The following DNAH10 variants were observed in gnomAD, a reference collection of about 807,000 sequenced individuals.
DNAH10 encodes axonemal beta dynein heavy chain 10.
DNAH10 carries 348 observed loss-of-function variants against 506.6 expected under a neutral mutation model. That is an observed-to-expected ratio of 0.69 (90% CI 0.63 to 0.75). The LOEUF (loss-of-function observed/expected upper bound fraction) is 0.75, where lower values mean the gene tolerates loss of function less well. DNAH10 is among the 30% of genes least tolerant of loss of function. The pLI is 0.00. For missense variants in DNAH10, 5,179 were observed against 5,787.1 expected (o/e 0.89, Z 3.41); for synonymous variants, 2,059 against 2,198.6 (o/e 0.94, Z 1.78).
chr12:123,815,216 A>T (rs1959104487), intron 21 of DNAH10, among the ~76,000 whole-genome samples: 1 of 152,176 alleles, frequency 6.6e-6, no homozygotes, highest in East Asian at 1.9e-4. Context: ...CCCCGTAAAG[A>T]TTTATAATTT....
intron 25 of DNAH10, among the ~76,000 whole-genome samples, chr12:123,827,470 C>T (rs771721783): frequency 2.6e-4 from 39 of 152,222 alleles, no homozygotes; most frequent in African/African-American, 8.4e-4. Context: ...CATAGACACG[C>T]GTGGCTTGTG....
At position 123,833,333 on chromosome 12, in the gene DNAH10, G is replaced by A. The variant is rs1198225472; in HGVS notation, c.4765G>A (p.Gly1589Arg). The A allele has an allele frequency of 1.2e-6, 2 of 1,611,328 alleles. No homozygotes were observed. The highest frequency in any genetic ancestry group is 1.7e-6 in the Non-Finnish European group (2 of 1,178,660). ...HKWEKTLSLI[G>R]EVIEIWMLVQ... ...ATGGGAAAAAACGCTTTCTCTAATA[G>A]GGGAAGTCATTGAGGTGAGAGAAAA... Residue 1589 changes from glycine to arginine, a missense_variant, in exon 27 of 79, where the codon GGG becomes AGG. Around this residue, in one of 3 missense-constraint regions of DNAH10, gnomAD observed 4,844 missense variants for 5,430.5 expected, o/e 0.89. Coordinates refer to ENST00000673944, the MANE Select transcript of DNAH10 (RefSeq NM_001372106.1).
Position 123,785,594 on chromosome 12 carries a change from G to A in DNAH10, c.1231-152G>A. The A allele has an allele frequency of 3.0e-6, 2 of 660,438 alleles. No individual in the cohort carries two copies. Among genetic ancestry groups the A allele is most frequent in the Non-Finnish European group, 4.7e-6 (2 of 426,744 alleles). 40.9% of individuals were successfully genotyped at this position (660,438 alleles called of 1,614,324 possible). On this transcript the variant is annotated intron_variant, in intron 8 of 78. Transcript: ENST00000673944. The surrounding 1 kb of genome is among the most constrained non-coding windows in gnomAD (Gnocchi z 4.1). Reference sequence around the variant, plus strand: ...GTCGAGGCTGCAGTAAGCCATGTTTGTGCCATTGCACTCCAGCCTGGGCAC... The same window carrying A: ...GTCGAGGCTGCAGTAAGCCATGTTTATGCCATTGCACTCCAGCCTGGGCAC...
rs1445699542 is a variant in DNAH10 at position 123,762,861 on chromosome 12, CG to C, written c.214+314del. On this transcript the variant is annotated intron_variant, in intron 1 of 78. Coordinates refer to ENST00000673944, the MANE Select transcript of DNAH10 (RefSeq NM_001372106.1). This position sits in a 1 kb window ranked among gnomAD's most constrained non-coding sequence, Gnocchi z 5.0. ...GTATCAACTCCTTAACCCTACGAGG[CG>C]GGTGTATCCTCATCCCTATTTTACA... is the stretch of plus-strand genomic sequence containing the variant. 6.6e-6 allele frequency among the ~76,000 whole-genome samples: 1 copy of C among 152,246 alleles called. No homozygotes were observed. The highest frequency in any genetic ancestry group is 1.5e-5 in the Non-Finnish European group (1 of 68,044).
Position 123,917,531 on chromosome 12 carries a change from G to C in DNAH10, c.11003-53G>C, listed in dbSNP as rs1050666186. 4 of 1,521,198 alleles carry C rather than the reference G, an allele frequency of 2.6e-6. No individual in the cohort carries two copies. The highest frequency in any genetic ancestry group is 3.6e-6 in the Non-Finnish European group (4 of 1,123,944). 94.2% of individuals were successfully genotyped at this position (1,521,198 alleles called of 1,614,324 possible). On this transcript the variant is annotated intron_variant, in intron 63 of 78. Coordinates refer to ENST00000673944, the MANE Select transcript of DNAH10 (RefSeq NM_001372106.1). The surrounding 1 kb of genome is among the most constrained non-coding windows in gnomAD (Gnocchi z 5.6). Reference sequence around the variant, plus strand: ...GTCCCGTCACAGCAGGGCAGCGGGAGAGACTGTTGTTGGGGGCCGCAGGTG... The same window carrying C: ...GTCCCGTCACAGCAGGGCAGCGGGACAGACTGTTGTTGGGGGCCGCAGGTG...
chr12:123,806,820 T>G (rs1274747513), intron 18 of DNAH10, among the ~76,000 whole-genome samples: 1 of 150,134 alleles, frequency 6.7e-6, no homozygotes, highest in African/African-American at 2.5e-5. Context: ...CAGGCTGGAG[T>G]GCAGTGGCGC....
intron 26 of DNAH10, 35 bp from the exon 27 acceptor site, chr12:123,833,079 T>G: frequency 6.5e-7 from 1 of 1,531,414 alleles, no homozygotes; most frequent in Non-Finnish European, 8.9e-7. Context: ...TTTCAGTTCG[T>G]GTGCCTGAAT....
At position 123,841,510 on chromosome 12, in the gene DNAH10, A is replaced by G; in HGVS notation, c.5325A>G (p.Lys1775=). 1 of 1,613,988 alleles carries G rather than the reference A, an allele frequency of 6.2e-7. No homozygotes were observed. Among genetic ancestry groups the G allele is most frequent in the Non-Finnish European group, 8.5e-7 (1 of 1,179,894 alleles). ...EMRRTNRLIT[K]EAIFRYCEDR... ...GAAGAACTAATAGACTAATTACCAA[A>G]GAGGCTATTTTTAGATACTGTGAAG... Residue 1775 remains lysine (K), a synonymous_variant, in exon 30 of 79, where the codon AAA becomes AAG. Coordinates refer to ENST00000673944, the MANE Select transcript of DNAH10 (RefSeq NM_001372106.1).
chr12:123,892,298 C>T (rs980200866), intron 52 of DNAH10, among the ~76,000 whole-genome samples: 9 of 152,140 alleles, frequency 5.9e-5, no homozygotes, highest in East Asian at 1.9e-4. Flanking sequence ...GGGGAGCAGG[C>T]GCGTCCCATG....
chr12:123,809,782 C>T (rs1253131371), intron 19 of DNAH10, among the ~76,000 whole-genome samples: 1 of 152,198 alleles, frequency 6.6e-6, no homozygotes. Flanking sequence ...TGTGAGGCCG[C>T]CATGCTCTAG....
chr12:123,781,931 G>A (rs2136022417), intron 6 of DNAH10, among the ~76,000 whole-genome samples: 1 of 152,012 alleles, frequency 6.6e-6, no homozygotes, highest in Middle Eastern at 3.4e-3. Context: ...ATGGGCCTTT[G>A]TGTGGAATTT....
At chr12:123,876,951 C>T (rs548817499) in intron 47 of DNAH10, among the ~76,000 whole-genome samples, 87 of 152,286 alleles carry the variant, frequency 5.7e-4, no homozygotes, top group African/African-American at 2.0e-3. Context: ...CAGAGCAAGA[C>T]CCCATCTCAA....
At chr12:123,886,490 C>T (rs923365946) in intron 51 of DNAH10, among the ~76,000 whole-genome samples, 3 of 138,220 alleles carry the variant, frequency 2.2e-5, no homozygotes, top group Non-Finnish European at 4.9e-5. Flanking sequence ...CGTGTGTGTG[C>T]ACACGTGTGT....
rs374033076 is a variant in DNAH10 at position 123,893,408 on chromosome 12, C to G, written c.9171C>G (p.Thr3057=). 1 of 1,612,962 alleles carries G rather than the reference C, an allele frequency of 6.2e-7. No homozygotes were observed. Among genetic ancestry groups the G allele is most frequent in the Non-Finnish European group, 8.5e-7 (1 of 1,179,888 alleles). The change falls in exon 53 of 79, where the codon ACC becomes ACG. Residue 3057 remains threonine, a synonymous_variant. Coordinates refer to ENST00000673944, the MANE Select transcript of DNAH10 (RefSeq NM_001372106.1). ...IVLGMSPVGD[T]LRTWCRNFPG... ...TGGGCATGTCGCCAGTGGGGGACAC[C>G]CTGAGGACCTGGTGCAGAAACTTCC...
rs79817164 is a variant in DNAH10, at chr12:123,846,884, C to T, written c.5814+730C>T. Among the ~76,000 whole-genome samples the T allele has an allele frequency of 0.03, 4,615 of 152,180 alleles. 202 individuals are homozygous for T. Among genetic ancestry groups the T allele is most frequent in the African/African-American group, 0.095 (3,919 of 41,470 alleles). Reference sequence around the variant, plus strand: ...CACCTGGGCCCGTCTCCACATCACACCATGGGATTTGGGGGGACAAGGATA... The same window carrying T: ...CACCTGGGCCCGTCTCCACATCACATCATGGGATTTGGGGGGACAAGGATA... On this transcript the variant is annotated intron_variant, in intron 32 of 78. Transcript: ENST00000673944. The surrounding 1 kb of genome is among the most constrained non-coding windows in gnomAD (Gnocchi z 4.5).
intron 5 of DNAH10, among the ~76,000 whole-genome samples, 192 bp from the exon 6 acceptor site, chr12:123,780,888 G>T (rs1477722864): frequency 1.5e-5 from 2 of 136,636 alleles, no homozygotes; most frequent in African/African-American, 5.5e-5. Flanking sequence ...GGTGGAGGTT[G>T]CAGTGAGCCA....
At position 123,915,969 on chromosome 12, in the gene DNAH10, T is replaced by C. The variant is rs115411410; in HGVS notation, c.10723-488T>C. On this transcript the variant is annotated intron_variant, in intron 62 of 78. Coordinates refer to ENST00000673944, the MANE Select transcript of DNAH10 (RefSeq NM_001372106.1). ...TATTTTCAATTTAGCTTTTCCTCAT[T>C]TTTTTCTGGTCCTTGATCTCAGGTA... 3.6e-3 allele frequency among the ~76,000 whole-genome samples: 552 copies of C among 152,322 alleles called. 3 individuals are homozygous for C. The highest frequency in any genetic ancestry group is 0.012 in the African/African-American group (509 of 41,570).
At chr12:123,859,681 C>T (rs963684045) in intron 38 of DNAH10, among the ~76,000 whole-genome samples, 1 of 152,284 alleles carries the variant, frequency 6.6e-6, no homozygotes, top group Admixed American at 6.5e-5. Context: ...CTTATAATCG[C>T]TAGCCCTTCG....
At chr12:123,887,529 G>A (rs904356384) in intron 52 of DNAH10, among the ~76,000 whole-genome samples, 4 of 152,076 alleles carry the variant, frequency 2.6e-5, no homozygotes, top group Admixed American at 6.5e-5. Flanking sequence ...CTCCGTCTGC[G>A]ATGATGGCAG....
Sources: allele counts gnomAD v4.1 joint callset (sites outside exome capture counted in the v4.1 genomes callset), GRCh38; gene constraint gnomAD v4.1.1; regional missense constraint gnomAD v4.1.1; non-coding constraint Gnocchi (gnomAD v3.1); transcripts MANE v1.5; gene names NCBI Gene and HGNC (gene_info 2026-07-23, HGNC 2026-07-21).